Variants in HDAC9 observed in about 807,000 individuals in gnomAD.
HDAC9 encodes histone deacetylase 9.
In HDAC9, 41 loss-of-function variants were observed where a neutral mutation model predicts 139.4. The ratio of observed to expected loss-of-function variants is 0.29; its 90% CI spans 0.23 to 0.38. The LOEUF is 0.38. HDAC9 is among the 10% of genes least tolerant of loss of function. The pLI, the probability that HDAC9 is intolerant of heterozygous loss-of-function variation, is 1.00. For synonymous variants in HDAC9, 517 were observed against 476.2 expected, an observed-to-expected ratio of 1.09 and a Z score of -1.12; for missense variants, 1,147 against 1,297.0, an observed-to-expected ratio of 0.88 and a Z score of 1.78.
At chr7:18,470,962 A>G (rs930027694) in intron 1 of HDAC9, among the ~76,000 whole-genome samples, 1 of 152,038 alleles carries the variant, frequency 6.6e-6, no homozygotes, top group African/African-American at 2.4e-5. Flanking sequence ...ATTTGTCTCT[A>G]CAGTATTGCT....
At chr7:18,437,633 G>A (rs1791333705) in intron 1 of HDAC9, among the ~76,000 whole-genome samples, 1 of 149,944 alleles carries the variant, frequency 6.7e-6, no homozygotes, top group Non-Finnish European at 1.5e-5. Context: ...CACAGTACAC[G>A]CACACATTGT....
At chr7:18,397,467 T>G (rs546255910) in intron 1 of HDAC9, among the ~76,000 whole-genome samples, 73 of 152,230 alleles carry the variant, frequency 4.8e-4, no homozygotes, top group Admixed American at 8.5e-4. Flanking sequence ...TAGGCAAATT[T>G]TTGGGAGATG....
At chr7:18,934,931 G>T (rs1407102268) in intron 22 of HDAC9, among the ~76,000 whole-genome samples, 1 of 151,986 alleles carries the variant, frequency 6.6e-6, no homozygotes, top group Admixed American at 6.6e-5. Context: ...TAGAAGAATG[G>T]GTAACCTCTG....
intron 2 of HDAC9, among the ~76,000 whole-genome samples, chr7:18,171,694 TTG>T (rs1562704459): frequency 6.6e-6 from 1 of 152,236 alleles, no homozygotes; most frequent in Admixed American, 6.5e-5. Flanking sequence ...TCTGCATCTA[TTG>T]AGATAATCAT....
At chr7:18,187,999 T>A (rs1790048155) in intron 2 of HDAC9, among the ~76,000 whole-genome samples, 1 of 152,220 alleles carries the variant, frequency 6.6e-6, no homozygotes, top group East Asian at 1.9e-4. Context: ...AAAAAACTAT[T>A]TTAAATTTCA....
chr7:18,912,350 GATA>G (rs904462481), intron 22 of HDAC9, among the ~76,000 whole-genome samples: 1 of 151,974 alleles, frequency 6.6e-6, no homozygotes, highest in East Asian at 1.9e-4. Context: ...AATAAAATGA[GATA>G]ATATTTTAAA....
chr7:18,815,424 T>A (rs1025199132), intron 17 of HDAC9, among the ~76,000 whole-genome samples: 6 of 152,322 alleles, frequency 3.9e-5, no homozygotes, highest in African/African-American at 1.2e-4. Flanking sequence ...TCCTGATGAT[T>A]TCCCCCGTCA....
At chr7:18,218,056 T>G (rs1004455395) in intron 2 of HDAC9, among the ~76,000 whole-genome samples, 1 of 152,110 alleles carries the variant, frequency 6.6e-6, no homozygotes, top group Non-Finnish European at 1.5e-5. Context: ...AAGATGTTGG[T>G]TTTTTTGCCA....
intron 21 of HDAC9, among the ~76,000 whole-genome samples, chr7:18,837,985 A>G (rs1796347112): frequency 6.6e-6 from 1 of 152,038 alleles, no homozygotes; most frequent in African/African-American, 2.4e-5. Context: ...AAGTGGCATT[A>G]TCTAGCTAGG....
intron 10 of HDAC9, 56 bp from the exon 11 acceptor site, chr7:18,648,410 A>ATGTGTGTGTG (rs145105320): frequency 1.4e-5 from 15 of 1,056,942 alleles, no homozygotes; most frequent in African/African-American, 9.6e-5. Flanking sequence ...GTGTGTGTGT[A>ATGTGTGTGTG]TGTGTGTGTG....
intron 1 of HDAC9, among the ~76,000 whole-genome samples, chr7:18,378,342 G>T (rs1233680155): frequency 1.3e-5 from 2 of 152,014 alleles, no homozygotes; most frequent in East Asian, 3.9e-4. Context: ...TTATATCCGT[G>T]TATGTATTAT....
At chr7:18,393,437 C>T (rs1786730840) in intron 1 of HDAC9, among the ~76,000 whole-genome samples, 1 of 152,056 alleles carries the variant, frequency 6.6e-6, no homozygotes, top group Non-Finnish European at 1.5e-5. Flanking sequence ...AAATGGTCAC[C>T]TGTTTTAAAT....
chr7:18,307,097 T>TTGTGTGTG lies in HDAC9; in HGVS notation c.-42+16622_-42+16629dup, dbSNP rs56020648. ...CCCTTCAGCTACAGGAGGGCAGTTC[T>TTGTGTGTG]TGTGTGTGTGTGTGTGTGTGTGTGT... On this transcript the variant is annotated intron_variant, in intron 1 of 3. Transcript: ENST00000413509. Among the ~76,000 whole-genome samples, 1,276 of 134,782 alleles carry TTGTGTGTG rather than the reference T, an allele frequency of 9.5e-3. 5 individuals carry two copies. The highest frequency in any genetic ancestry group is 0.012 in the Middle Eastern group (3 of 256). 88.4% of individuals were successfully genotyped at this position (134,782 alleles called of 152,430 possible).
At chr7:18,691,016 A>G (rs1782635654) in intron 12 of HDAC9, among the ~76,000 whole-genome samples, 2 of 152,100 alleles carry the variant, frequency 1.3e-5, no homozygotes, top group Non-Finnish European at 2.9e-5. Context: ...ATATTTATAA[A>G]TAACTTCTGT....
intron 1 of HDAC9, among the ~76,000 whole-genome samples, chr7:18,125,554 G>A (rs1365784820): frequency 1.3e-5 from 2 of 151,830 alleles, no homozygotes; most frequent in East Asian, 3.9e-4. Context: ...TGATTTTAAT[G>A]ACAACACTTT....
rs530166668 is a variant in HDAC9 at position 18,255,153 on chromosome 7, G to A, written c.25+92804G>A. 1.5e-4 allele frequency among the ~76,000 whole-genome samples: 23 copies of A among 152,230 alleles called. No individual in the cohort carries two copies. The South Asian group carries it at 4.6e-3, about 30-fold the overall frequency. ...AGACTAAGTTGTTGTTGGTAGTAGG[G>A]AGCCCAGTAGGTGTTTTCAGGATAT... On this transcript the variant is annotated intron_variant, in intron 2 of 12. Transcript: ENST00000417496.
intron 2 of HDAC9, among the ~76,000 whole-genome samples, chr7:18,556,735 T>G (rs1254979635): frequency 6.6e-6 from 1 of 152,080 alleles, no homozygotes; most frequent in Non-Finnish European, 1.5e-5. Context: ...TTCTCAGTGT[T>G]TCCCCACACA....
chr7:18,847,340 C>CT (rs967824104), intron 21 of HDAC9, among the ~76,000 whole-genome samples: 4 of 151,978 alleles, frequency 2.6e-5, no homozygotes, highest in East Asian at 1.9e-4. Context: ...TTGTTTGTGC[C>CT]TTTTTTTCTT....
At chr7:18,328,645 T>A (rs530336515) in intron 1 of HDAC9, among the ~76,000 whole-genome samples, 2 of 152,034 alleles carry the variant, frequency 1.3e-5, no homozygotes, top group Admixed American at 1.3e-4. Context: ...TTGGGATAAA[T>A]CCCACTTGAT....
Sources: gnomAD v4.1 joint callset for allele counts (sites outside exome capture counted in the v4.1 genomes callset) on GRCh38, gnomAD v4.1.1 for gene constraint, MANE v1.5 for transcripts, NCBI Gene and HGNC (gene_info 2026-07-23, HGNC 2026-07-21) for gene names.